Variants in DUSP16 observed in about 807,000 individuals in gnomAD.
The protein encoded by DUSP16 is dual specificity protein phosphatase 16.
In DUSP16, 21 loss-of-function variants were observed where a neutral mutation model predicts 58.3. The ratio of observed to expected loss-of-function variants is 0.36; its 90% CI spans 0.26 to 0.52. The LOEUF (loss-of-function observed/expected upper bound fraction) is 0.52. Among genes scored for constraint, DUSP16 ranks in the 20% least tolerant of loss-of-function variants. The pLI, the probability that DUSP16 is intolerant of heterozygous loss-of-function variation, is 0.94. For missense variants in DUSP16, 726 were observed against 819.0 expected (o/e 0.89, Z 1.39); for synonymous variants, 320 against 323.8 (o/e 0.99, Z 0.12).
chr12:12,505,428 A>T (rs2136217726), intron 3 of DUSP16, among the ~76,000 whole-genome samples: 1 of 152,354 alleles, frequency 6.6e-6, no homozygotes, highest in South Asian at 2.1e-4. Flanking sequence ...GAGAAAGGAG[A>T]ATCTCTTTAA....
At position 12,477,331 on chromosome 12, in the gene DUSP16, T is replaced by C. The variant is rs1261685164; in HGVS notation, c.1500A>G (p.Leu500=). The part of the protein sequence containing the change: ...SSSGTAQRSL[L]SPLHRSGSVE... ...CGCTCCCACTTCGATGCAGTGGAGA[T>C]AAAAGGGACCTCTGGGCGGTGCCAC... The change falls in exon 7 of 7, where the codon TTA becomes TTG. Residue 500 remains leucine (L), a synonymous_variant. Coordinates refer to ENST00000298573, the MANE Select transcript of DUSP16 (RefSeq NM_030640.3). This position sits in a 1 kb window ranked among gnomAD's most constrained non-coding sequence, Gnocchi z 4.1. 2 of 1,614,184 alleles carry C rather than the reference T, an allele frequency of 1.2e-6. No individual in the cohort carries two copies. Among genetic ancestry groups the C allele is most frequent in the African/African-American group, 1.3e-5 (1 of 75,046 alleles).
intron 3 of DUSP16, among the ~76,000 whole-genome samples, chr12:12,509,877 C>T (rs1447926638): frequency 6.6e-6 from 1 of 152,104 alleles, no homozygotes. Flanking sequence ...AAATCTGCTT[C>T]CTATTCCTAG....
At chr12:12,551,038 A>T (rs1200738060) in intron 1 of DUSP16, among the ~76,000 whole-genome samples, 1 of 152,104 alleles carries the variant, frequency 6.6e-6, no homozygotes, top group African/African-American at 2.4e-5. Flanking sequence ...TCTGCTGCAT[A>T]CCTAAGTATA....
At position 12,478,035 on chromosome 12, in the gene DUSP16, CAA is replaced by C; in HGVS notation, c.816-22_816-21del. 6.5e-7 allele frequency: 1 copy of C among 1,528,858 alleles called. No homozygotes were observed. The highest frequency in any genetic ancestry group is 8.8e-7 in the Non-Finnish European group (1 of 1,133,648). The allele number at this position is 1,528,858 out of a possible 1,614,324, so 94.7% of individuals were successfully genotyped here. ...ACAAATCTGCAGAGAGAGGAAAAAA[CAA>C]AAACCCGAATTTTACAACTACACTT... On this transcript the variant is annotated intron_variant, in intron 6 of 6. Transcript: ENST00000298573.
At chr12:12,559,413 CTTA>C (rs931635993) in intron 1 of DUSP16, among the ~76,000 whole-genome samples, 3 of 152,098 alleles carry the variant, frequency 2.0e-5, no homozygotes, top group Non-Finnish European at 4.4e-5. Flanking sequence ...AAGTTATCTC[CTTA>C]TTTTCTTGGG....
chr12:12,557,843 G>C (rs750975148), intron 1 of DUSP16, among the ~76,000 whole-genome samples: 3 of 152,306 alleles, frequency 2.0e-5, no homozygotes, highest in Admixed American at 6.5e-5. Context: ...TGTATGGCCA[G>C]GGTCTAGCAC....
At chr12:12,509,823 A>T (rs1236149766) in intron 3 of DUSP16, among the ~76,000 whole-genome samples, 2 of 152,186 alleles carry the variant, frequency 1.3e-5, no homozygotes, top group Non-Finnish European at 2.9e-5. Context: ...GGATTTCCTG[A>T]TTCCATTCAA....
In DUSP16 at chr12:12,526,174, G is replaced by A. The variant is rs544332220; in HGVS notation, c.-365-4711C>T. ...GACTACAGATCATGGAAGAAAATCAGCAAATCTCCTAAAGAAATACCATTT... is the reference window on the plus strand; with the variant it reads ...GACTACAGATCATGGAAGAAAATCAACAAATCTCCTAAAGAAATACCATTT... On this transcript the variant is annotated intron_variant, in intron 1 of 6. Coordinates refer to ENST00000298573, the MANE Select transcript of DUSP16 (RefSeq NM_030640.3). 2.0e-3 allele frequency among the ~76,000 whole-genome samples: 301 copies of A among 152,228 alleles called. 1 individual carries two copies. Among genetic ancestry groups the A allele is most frequent in the African/African-American group, 6.5e-3 (272 of 41,548 alleles).
chr12:12,548,203 G>A (rs372896739), intron 1 of DUSP16, among the ~76,000 whole-genome samples: 19 of 151,250 alleles, frequency 1.3e-4, no homozygotes, highest in African/African-American at 4.2e-4. Context: ...ATGGGCAAAG[G>A]ACTGGAATAA....
chr12:12,501,735 T>TA (rs1423764381), intron 3 of DUSP16, among the ~76,000 whole-genome samples: 2 of 152,174 alleles, frequency 1.3e-5, no homozygotes, highest in Non-Finnish European at 2.9e-5. Context: ...CTCACGCCTG[T>TA]AATCCCCGCA....
chr12:12,522,517 A>G (rs1027966569), intron 1 of DUSP16, among the ~76,000 whole-genome samples: 1 of 151,784 alleles, frequency 6.6e-6, no homozygotes, highest in Middle Eastern at 3.4e-3. Flanking sequence ...GAAATCCTCT[A>G]CTACATAAAA....
intron 1 of DUSP16, among the ~76,000 whole-genome samples, 155 bp downstream of exon 1, chr12:12,561,962 C>A (rs1417637409): frequency 1.3e-5 from 2 of 150,314 alleles, no homozygotes; most frequent in African/African-American, 4.8e-5. Context: ...GTGGCCGGTA[C>A]GCCCGGGAAG....
At chr12:12,508,016 GA>G (rs1944024169) in intron 3 of DUSP16, among the ~76,000 whole-genome samples, 1 of 152,192 alleles carries the variant, frequency 6.6e-6, no homozygotes, top group South Asian at 2.1e-4. Context: ...GAATATATGT[GA>G]AAAACTAGAG....
chr12:12,557,143 C>A (rs1369485327), intron 1 of DUSP16, among the ~76,000 whole-genome samples: 2 of 151,906 alleles, frequency 1.3e-5, no homozygotes, highest in African/African-American at 4.8e-5. Flanking sequence ...GATACATTAA[C>A]AAGGCATTAA....
chr12:12,538,599 A>G (rs149859505), intron 1 of DUSP16, among the ~76,000 whole-genome samples: 165 of 152,346 alleles, frequency 1.1e-3, no homozygotes, highest in African/African-American at 3.8e-3. Context: ...AAATATTTCA[A>G]AAGATGAGAA....
chr12:12,492,319 G>T (rs1185795026), intron 4 of DUSP16, among the ~76,000 whole-genome samples: 1 of 151,706 alleles, frequency 6.6e-6, no homozygotes, highest in African/African-American at 2.4e-5. Flanking sequence ...TACTACAATG[G>T]AAAAACTGAA....
chr12:12,550,976 T>G (rs1024143724), intron 1 of DUSP16, among the ~76,000 whole-genome samples: 3 of 152,136 alleles, frequency 2.0e-5, no homozygotes, highest in African/African-American at 4.8e-5. Flanking sequence ...TCTTGAGAAC[T>G]TGGCCTTTTT....
chr12:12,524,269 TA>T (rs1944272975), intron 1 of DUSP16, among the ~76,000 whole-genome samples: 1 of 152,160 alleles, frequency 6.6e-6, no homozygotes, highest in South Asian at 2.1e-4. Context: ...GCTGAGGATG[TA>T]AGTGAAGCAT....
chr12:12,539,943 G>T lies in DUSP16; in HGVS notation c.-365-18480C>A, dbSNP rs193289804. Among the ~76,000 whole-genome samples the T allele has an allele frequency of 1.7e-3, 257 of 151,980 alleles. 1 individual carries two copies. Among genetic ancestry groups the T allele is most frequent in the Admixed American group, 1.4e-3 (22 of 15,252 alleles). On this transcript the variant is annotated intron_variant, in intron 1 of 6. Coordinates refer to ENST00000298573, the MANE Select transcript of DUSP16 (RefSeq NM_030640.3). ...GTAGCATAGTCCCAGCTACTCGGGA[G>T]GCTGGGGAGGCTGAAGCAGGAGAAT...
Sources: gnomAD v4.1 joint callset for allele counts (sites outside exome capture counted in the v4.1 genomes callset) on GRCh38, gnomAD v4.1.1 for gene constraint, Gnocchi (gnomAD v3.1) non-coding constraint, MANE v1.5 for transcripts, NCBI Gene and HGNC (gene_info 2026-07-23, HGNC 2026-07-21) for gene names.